Variants in AFG3L2 observed in about 807,000 individuals in gnomAD.
The protein encoded by AFG3L2 is AFG3 like matrix AAA peptidase subunit 2, also known as mitochondrial inner membrane m-AAA protease component AFG3L2.
AFG3L2 carries 54 observed loss-of-function variants against 94.5 expected under a neutral mutation model. The observed-to-expected ratio is 0.57, with a 90% CI of 0.46 to 0.72. The LOEUF (loss-of-function observed/expected upper bound fraction) is 0.72. AFG3L2 is among the 30% of genes least tolerant of loss of function. The pLI, the probability that AFG3L2 is intolerant of heterozygous loss-of-function variation, is 0.00. For missense variants in AFG3L2, 754 were observed against 994.9 expected, an observed-to-expected ratio of 0.76 and a Z score of 3.26; for synonymous variants, 377 against 365.5, an observed-to-expected ratio of 1.03 and a Z score of -0.36.
chr18:12,351,337 C>A lies in AFG3L2; in HGVS notation c.1395G>T (p.Arg465Ser), dbSNP rs752910099. ...RPDILDPALL[R>S]PGRFDRQIFI... ...AGATCTGCCTGTCGAAACGCCCCGG[C>A]CTAAGCAGCGCGGGGTCCAGGATAT... Residue 465 changes from arginine (R) to serine (S), a missense_variant, in exon 11 of 17, where the codon AGG becomes AGT. Transcript: ENST00000269143. 6.2e-7 allele frequency: 1 copy of A among 1,614,174 alleles called. No individual in the cohort carries two copies. The highest frequency in any genetic ancestry group is 1.7e-5 in the Admixed American group (1 of 60,022).
chr18:12,372,050 A>C (rs2143236339), intron 1 of AFG3L2, among the ~76,000 whole-genome samples: 1 of 152,374 alleles, frequency 6.6e-6, no homozygotes, highest in East Asian at 1.9e-4. Context: ...TCACACCTGT[A>C]ATCCCAGTAC....
chr18:12,354,143 C>CCCCCCCCCG (rs1568140681), intron 9 of AFG3L2, among the ~76,000 whole-genome samples: 1 of 107,696 alleles, frequency 9.3e-6, no homozygotes. Context: ...CCCCCCCCCC[C>CCCCCCCCCG]CCACTTCACT....
rs762938702 is a variant in AFG3L2, at chr18:12,356,650, G to A, written c.1164+44C>T. ...AAGTGCCTCCATCTGTGGTGAAGTG[G>A]TGGGTGCAAGGAAGCTGTACCATCC... On this transcript the variant is annotated intron_variant, in intron 9 of 16. Coordinates refer to ENST00000269143, the MANE Select transcript of AFG3L2 (RefSeq NM_006796.3). 4.3e-6 allele frequency: 7 copies of A among 1,613,612 alleles called. No homozygotes were observed. The African/African-American group carries it at 9.3e-5, about 22-fold the overall frequency.
intron 13 of AFG3L2, among the ~76,000 whole-genome samples, chr18:12,346,578 A>G (rs1908143290): frequency 6.6e-6 from 1 of 151,440 alleles, no homozygotes; most frequent in Non-Finnish European, 1.5e-5. Flanking sequence ...AGGCTTCCCT[A>G]CTCTTCAAAG....
At chr18:12,360,383 T>C in intron 6 of AFG3L2, 1 of 306,396 alleles carries the variant, frequency 3.3e-6, no homozygotes, top group Non-Finnish European at 6.1e-6. Flanking sequence ...CTCTATTTCC[T>C]AGGTATTTTA....
At position 12,369,902 on chromosome 18, in the gene AFG3L2, A is replaced by G. The variant is rs1430422214; in HGVS notation, c.292+947T>C. Among the ~76,000 whole-genome samples the G allele has an allele frequency of 2.1e-3, 161 of 78,236 alleles. 1 individual carries two copies. Among genetic ancestry groups the G allele is most frequent in the African/African-American group, 0.012 (157 of 13,248 alleles). The allele number at this position is 78,236 out of a possible 152,430, so 51.3% of individuals were successfully genotyped here. On this transcript the variant is annotated intron_variant, in intron 3 of 16. Transcript: ENST00000269143. ...AAACCCCGTCTCTACTAAAAATACA[A>G]AAAAAAAAAAATTAGCCAGGCGTGC...
intron 7 of AFG3L2, 100 bp from the exon 8 acceptor site, chr18:12,359,043 G>A: frequency 6.7e-7 from 1 of 1,501,832 alleles, no homozygotes; most frequent in East Asian, 2.5e-5. Context: ...GCTACACCAA[G>A]GTATACCTTC....
At chr18:12,336,035 A>G (rs186944475) in intron 16 of AFG3L2, among the ~76,000 whole-genome samples, 1 of 152,320 alleles carries the variant, frequency 6.6e-6, no homozygotes, top group Non-Finnish European at 1.5e-5. Context: ...TTCTAGCCTC[A>G]CACACTGTCC....
chr18:12,367,236 C>G, intron 4 of AFG3L2, 40 bp downstream of exon 4: 1 of 1,613,468 alleles, frequency 6.2e-7, no homozygotes, highest in Non-Finnish European at 8.5e-7. Flanking sequence ...TCTGGGCCAC[C>G]ATCATAACCT....
At chr18:12,360,601 G>A (rs1908629817) in intron 6 of AFG3L2, among the ~76,000 whole-genome samples, 1 of 152,206 alleles carries the variant, frequency 6.6e-6, no homozygotes, top group Non-Finnish European at 1.5e-5. Flanking sequence ...TGGAACAGAT[G>A]CGCCTTGCTG....
chr18:12,364,009 G>A (rs1164001192), intron 5 of AFG3L2, among the ~76,000 whole-genome samples, 153 bp from the exon 6 acceptor site: 2 of 151,994 alleles, frequency 1.3e-5, no homozygotes, highest in African/African-American at 2.4e-5. Flanking sequence ...CTATAATTCT[G>A]CAGAAGCTCC....
intron 6 of AFG3L2, among the ~76,000 whole-genome samples, chr18:12,361,881 G>A (rs564436526): frequency 1.1e-4 from 17 of 152,316 alleles, no homozygotes; most frequent in African/African-American, 4.1e-4. Context: ...GCTCAGAATA[G>A]ATTAACCACA....
At chr18:12,359,022 A>AC (rs1908580042) in intron 7 of AFG3L2, 79 bp from the exon 8 acceptor site, 2 of 1,539,638 alleles carry the variant, frequency 1.3e-6, no homozygotes, top group African/African-American at 2.7e-5. Context: ...ATATCAATAT[A>AC]AATATATATA....
chr18:12,329,128 T>TC lies in AFG3L2; in HGVS notation c.*436dup. 1 of 702,884 alleles carries TC rather than the reference T, an allele frequency of 1.4e-6. No homozygotes were observed. Among genetic ancestry groups the TC allele is most frequent in the Non-Finnish European group, 2.6e-6 (1 of 384,958 alleles). 43.5% of individuals were successfully genotyped at this position (702,884 alleles called of 1,614,324 possible). On this transcript the variant is annotated 3_prime_UTR_variant, in exon 17 of 17. Coordinates refer to ENST00000269143, the MANE Select transcript of AFG3L2 (RefSeq NM_006796.3). ...CAAATTAAAATGTTCTTATCAAGAC[T>TC]CCAATTTAATTTCACAGCCCATCTG...
intron 16 of AFG3L2, among the ~76,000 whole-genome samples, chr18:12,333,219 TTATA>T (rs1248614087): frequency 2.5e-5 from 3 of 121,600 alleles, no homozygotes; most frequent in Non-Finnish European, 4.9e-5. Context: ...ATATAATCTA[TTATA>T]TAAATATATG....
At chr18:12,356,296 C>T (rs1908492938) in intron 9 of AFG3L2, among the ~76,000 whole-genome samples, 1 of 152,108 alleles carries the variant, frequency 6.6e-6, no homozygotes, top group Non-Finnish European at 1.5e-5. Context: ...GGATTATAGG[C>T]ATGCGCGACC....
chr18:12,367,450 G>T, intron 3 of AFG3L2, 68 bp from the exon 4 acceptor site: 1 of 1,418,300 alleles, frequency 7.1e-7, no homozygotes. Flanking sequence ...ATGTCTTCAT[G>T]TATACGGTTT....
chr18:12,349,660 T>A (rs1467633833), intron 12 of AFG3L2, among the ~76,000 whole-genome samples: 1 of 148,112 alleles, frequency 6.8e-6, no homozygotes, highest in African/African-American at 2.7e-5. Context: ...AGACCACATG[T>A]TTTTATTTTT....
chr18:12,364,890 G>A (rs977150203), intron 5 of AFG3L2, among the ~76,000 whole-genome samples: 1 of 151,746 alleles, frequency 6.6e-6, no homozygotes, highest in East Asian at 1.9e-4. Flanking sequence ...GGCTGGTCTC[G>A]AACTCCTAGA....
Sources: gnomAD v4.1 joint callset for allele counts (sites outside exome capture counted in the v4.1 genomes callset) on GRCh38, gnomAD v4.1.1 for gene constraint, MANE v1.5 for transcripts, NCBI Gene and HGNC (gene_info 2026-07-23, HGNC 2026-07-21) for gene names.